SMARCD1: variants seen among roughly 807,000 people sequenced by gnomAD.
The protein encoded by SMARCD1 is SWI/SNF-related matrix-associated actin-dependent regulator of chromatin subfamily D member 1.
A neutral mutation model predicts 70.8 loss-of-function variants in SMARCD1; 16 were observed. The ratio of observed to expected loss-of-function variants is 0.23; its 90% CI spans 0.15 to 0.34. The LOEUF is 0.34. SMARCD1 is among the 10% of genes least tolerant of loss of function. The pLI, the probability that SMARCD1 is intolerant of heterozygous loss-of-function variation, is 1.00. For missense variants in SMARCD1, 409 were observed against 655.5 expected, an observed-to-expected ratio of 0.62 and a Z score of 4.11; for synonymous variants, 249 against 246.0, an observed-to-expected ratio of 1.01 and a Z score of -0.11.
chr12:50,085,535 G>A lies in SMARCD1; in HGVS notation c.166G>A (p.Ala56Thr). 8.1e-7 allele frequency: 1 copy of A among 1,234,560 alleles called. No homozygotes were observed. Among genetic ancestry groups the A allele is most frequent in the Non-Finnish European group, 1.0e-6 (1 of 988,644 alleles). The allele number at this position is 1,234,560 out of a possible 1,614,324, so 76.5% of individuals were successfully genotyped here. A position where few individuals can be genotyped will look rare whatever the true frequency, so the allele number is the denominator to read the frequency against. The change falls in exon 1 of 13, where the codon GCG becomes ACG. Residue 56 changes from alanine (A) to threonine (T), a missense_variant. This residue lies in a region of SMARCD1 where 140 missense variants were observed against 156.9 expected (regional missense o/e 0.89). Coordinates refer to ENST00000394963, the MANE Select transcript of SMARCD1 (RefSeq NM_003076.5). The part of the protein sequence containing the change: ...QGLYRSPMPG[A>T]AYPRPGMLPG... ...GCTGTACCGCTCCCCGATGCCCGGA[G>A]CGGCCTATCCGGTGAGTGGGGCAGG...
rs2137883956 is a variant in SMARCD1, at chr12:50,090,399, G to A, written c.1032G>A (p.Gln344=). 1 of 1,613,982 alleles carries A rather than the reference G, an allele frequency of 6.2e-7. No individual in the cohort carries two copies. The highest frequency in any genetic ancestry group is 1.1e-5 in the South Asian group (1 of 91,068). ...REFVICDKYL[Q]QIFESQRMKF... is the part of the protein sequence containing the mutation. ...TTGTCATCTGTGACAAGTACCTGCAGCAGGTAAGTAATGGACCCATTCTTT... is the reference window on the plus strand; with the variant it reads ...TTGTCATCTGTGACAAGTACCTGCAACAGGTAAGTAATGGACCCATTCTTT... The change falls in exon 8 of 13, where the codon CAG becomes CAA. Residue 344 remains glutamine (Q), a synonymous_variant. Transcript: ENST00000394963.
intron 6 of SMARCD1, 150 bp downstream of exon 6, chr12:50,088,787 C>T (rs2137879400): frequency 4.6e-6 from 2 of 436,602 alleles, no homozygotes; most frequent in South Asian, 1.0e-4. Flanking sequence ...GCACATTGAC[C>T]TCTAGGTGGC....
rs749130687 is a variant in SMARCD1, at chr12:50,088,510, C to G, written c.655-11C>G. On this transcript the variant is annotated splice_polypyrimidine_tract_variant and intron_variant, in intron 5 of 12. Coordinates refer to ENST00000394963, the MANE Select transcript of SMARCD1 (RefSeq NM_003076.5). ...CCTTTCCTAATGTGATTTTTATTTT[C>G]TCTCCTCTAGTCAGCCTTGTCCAAA... is the stretch of plus-strand genomic sequence containing the variant. 1.4e-5 allele frequency: 20 copies of G among 1,443,724 alleles called. No homozygotes were observed. Among genetic ancestry groups the G allele is most frequent in the Non-Finnish European group, 1.8e-5 (19 of 1,048,868 alleles). The allele number at this position is 1,443,724 out of a possible 1,614,324, so 89.4% of individuals were successfully genotyped here.
At chr12:50,094,072 GAGAA>G (rs1444158306) in intron 9 of SMARCD1, among the ~76,000 whole-genome samples, 6 of 152,158 alleles carry the variant, frequency 3.9e-5, no homozygotes, top group Admixed American at 2.6e-4. Flanking sequence ...TTTTTAAAGG[GAGAA>G]AGATATATAG....
chr12:50,094,893 G>A (rs1385359260), intron 10 of SMARCD1, among the ~76,000 whole-genome samples: 1 of 152,174 alleles, frequency 6.6e-6, no homozygotes, highest in Middle Eastern at 3.2e-3. Flanking sequence ...CACTTCCTGG[G>A]TTCAAGCGAT....
rs746314586 is a variant in SMARCD1, at chr12:50,090,405, A to G, written c.1035+3A>G. ...TCTGTGACAAGTACCTGCAGCAGGT[A>G]AGTAATGGACCCATTCTTTTGCTAG... On this transcript the variant is annotated splice_donor_region_variant and intron_variant, in intron 8 of 12. Coordinates refer to ENST00000394963, the MANE Select transcript of SMARCD1 (RefSeq NM_003076.5). 23 of 1,614,002 alleles carry G rather than the reference A, an allele frequency of 1.4e-5. No homozygotes were observed. The highest frequency in any genetic ancestry group is 1.9e-5 in the Non-Finnish European group (23 of 1,179,916).
At chr12:50,088,152 TAAAG>T in intron 5 of SMARCD1, 1 of 671,562 alleles carries the variant, frequency 1.5e-6, no homozygotes, top group Non-Finnish European at 2.7e-6. Context: ...TCTGTCCAAA[TAAAG>T]CTGTTTTTGT....
chr12:50,088,091 G>A (rs980511448), intron 5 of SMARCD1: 2 of 517,036 alleles, frequency 3.9e-6, no homozygotes, highest in African/African-American at 2.0e-5. Flanking sequence ...AGGGCTCAGT[G>A]TCAGAGCCTC....
intron 5 of SMARCD1, chr12:50,088,119 G>A (rs1019162909): frequency 1.9e-5 from 12 of 621,784 alleles, no homozygotes; most frequent in Non-Finnish European, 2.6e-5. Context: ...ATATAGGTCC[G>A]GTCCATCTGC....
intron 12 of SMARCD1, 34 bp downstream of exon 12, chr12:50,098,849 A>G: frequency 6.2e-7 from 1 of 1,608,032 alleles, no homozygotes; most frequent in Non-Finnish European, 8.5e-7. Context: ...GAAATTGACA[A>G]AAGGCACGGG....
Position 50,086,802 on chromosome 12 carries a change from C to A in SMARCD1, c.455C>A (p.Ala152Asp). 6.2e-7 allele frequency: 1 copy of A among 1,614,014 alleles called. No homozygotes were observed. Among genetic ancestry groups the A allele is most frequent in the Non-Finnish European group, 8.5e-7 (1 of 1,179,968 alleles). The change falls in exon 4 of 13, where the codon GCT (alanine) becomes GAT (aspartate). Residue 152 changes from alanine (A) to aspartate (D), a missense_variant. Around this residue, in one of 2 missense-constraint regions of SMARCD1, gnomAD observed 269 missense variants for 498.6 expected, o/e 0.54. Transcript: ENST00000394963. ...PESQAYMDLL[A>D]FERKLDQTIM... ...TCCCAGGCCTATATGGATCTCTTGG[C>A]TTTTGAAAGGAAACTGGACCAGACT...
chr12:50,097,322 C>T (rs534125162), intron 11 of SMARCD1, among the ~76,000 whole-genome samples: 8 of 150,636 alleles, frequency 5.3e-5, no homozygotes, highest in Admixed American at 2.6e-4. Flanking sequence ...AGGCCGAGGC[C>T]GACGGATCGC....
rs775499079 is a variant in SMARCD1, at chr12:50,090,595, G to C, written c.1133+5G>C. The C allele has an allele frequency of 3.7e-6, 6 of 1,606,660 alleles. No individual in the cohort carries two copies. Among genetic ancestry groups the C allele is most frequent in the Non-Finnish European group, 5.1e-6 (6 of 1,173,404 alleles). ...CATCATTAATCATGTCATCAGGTAG[G>C]CCTGTGTGTGGGAGGCAGTGCTGTG... On this transcript the variant is annotated splice_donor_5th_base_variant and intron_variant, in intron 9 of 12. Transcript: ENST00000394963.
At chr12:50,092,147 C>G (rs1044113634) in intron 9 of SMARCD1, among the ~76,000 whole-genome samples, 5 of 151,412 alleles carry the variant, frequency 3.3e-5, no homozygotes, top group Middle Eastern at 3.4e-3. Context: ...CAGCGTGTCT[C>G]TGTAGTTGGA....
intron 10 of SMARCD1, among the ~76,000 whole-genome samples, chr12:50,094,835 T>C (rs1425689453): frequency 6.6e-6 from 1 of 152,222 alleles, no homozygotes; most frequent in Non-Finnish European, 1.5e-5. Context: ...TCTCGCTCTC[T>C]CGCCCAGGCT....
In SMARCD1 at chr12:50,086,232, G is replaced by A. The variant is rs748410851; in HGVS notation, c.249G>A (p.Gly83=). 1 of 1,612,312 alleles carries A rather than the reference G, an allele frequency of 6.2e-7. No homozygotes were observed. Among genetic ancestry groups the A allele is most frequent in the East Asian group, 2.2e-5 (1 of 44,854 alleles). The change falls in exon 2 of 13, where the codon GGG becomes GGA. Residue 83 remains glycine (G), a synonymous_variant. Coordinates refer to ENST00000394963, the MANE Select transcript of SMARCD1 (RefSeq NM_003076.5). Reference sequence around the variant, plus strand: ...CCATGGGACCCCCTGGCTATGGGGGGAACCCTTCAGTCCGACCTGGCCTGG... The same window carrying A: ...CCATGGGACCCCCTGGCTATGGGGGAAACCCTTCAGTCCGACCTGGCCTGG... ...GPSMGPPGYG[G]NPSVRPGLAQ...
chr12:50,099,321 G>A lies in SMARCD1; in HGVS notation c.*321G>A. 1 of 497,468 alleles carries A rather than the reference G, an allele frequency of 2.0e-6. No homozygotes were observed. The highest frequency in any genetic ancestry group is 4.0e-5 in the South Asian group (1 of 25,116). The allele number at this position is 497,468 out of a possible 1,614,324, so 30.8% of individuals were successfully genotyped here. ...GTGCTTGGAATGGATTGGGCCTCAGGCCAGGTGGTCTTCAAGGGGACCAGC... is the reference window on the plus strand; with the variant it reads ...GTGCTTGGAATGGATTGGGCCTCAGACCAGGTGGTCTTCAAGGGGACCAGC... On this transcript the variant is annotated 3_prime_UTR_variant, in exon 13 of 13. Coordinates refer to ENST00000394963, the MANE Select transcript of SMARCD1 (RefSeq NM_003076.5).
chr12:50,091,438 G>A (rs1455080330), intron 9 of SMARCD1, among the ~76,000 whole-genome samples: 3 of 151,994 alleles, frequency 2.0e-5, no homozygotes, highest in African/African-American at 4.8e-5. Context: ...ACCATGCCTG[G>A]CTAATTTTGT....
intron 2 of SMARCD1, 32 bp from the exon 3 acceptor site, chr12:50,086,589 C>T (rs751749261): frequency 1.0e-4 from 162 of 1,609,382 alleles, no homozygotes; most frequent in Non-Finnish European, 1.3e-4. Flanking sequence ...CTAGTTCTGT[C>T]CCAACCTGAT....
Sources: allele counts gnomAD v4.1 joint callset (sites outside exome capture counted in the v4.1 genomes callset), GRCh38; gene constraint gnomAD v4.1.1; regional missense constraint gnomAD v4.1.1; transcripts MANE v1.5; gene names NCBI Gene and HGNC (gene_info 2026-07-23, HGNC 2026-07-21).